Variants in FHIP1A observed in about 807,000 individuals in gnomAD.
FHIP1A encodes FHF complex subunit HOOK interacting protein 1A.
FHIP1A carries 61 observed loss-of-function variants against 88.6 expected under a neutral mutation model. The ratio of observed to expected loss-of-function variants is 0.69; its 90% CI spans 0.56 to 0.85. The LOEUF (loss-of-function observed/expected upper bound fraction) is 0.85, where lower values mean the gene tolerates loss of function less well. Ranked by LOEUF, FHIP1A falls within the 40% of genes least tolerant of loss-of-function variation. FHIP1A has a pLI of 0.00. For synonymous variants in FHIP1A, 478 were observed against 496.0 expected (o/e 0.96, Z 0.48); for missense variants, 1,154 against 1,273.5 (o/e 0.91, Z 1.43).
chr4:151,476,966 C>T (rs1729730809), intron 2 of FHIP1A, among the ~76,000 whole-genome samples: 1 of 151,938 alleles, frequency 6.6e-6, no homozygotes, highest in African/African-American at 2.4e-5. Context: ...TTTAAAAATG[C>T]TCCTGATGTG....
Position 151,664,945 on chromosome 4 carries a change from G to GT in FHIP1A, c.*2198dup, listed in dbSNP as rs1737607722. On this transcript the variant is annotated 3_prime_UTR_variant, in exon 14 of 14. Transcript: ENST00000435205. Reference sequence around the variant, plus strand: ...AAAGATTGATTTTGTGCCTCTTACTGTTTTTTTCAATAGGTACTGAAATAA... The same window carrying GT: ...AAAGATTGATTTTGTGCCTCTTACTGTTTTTTTTCAATAGGTACTGAAATAA... 6.6e-6 allele frequency among the ~76,000 whole-genome samples: 1 copy of GT among 151,912 alleles called. No individual in the cohort carries two copies. The highest frequency in any genetic ancestry group is 2.4e-5 in the African/African-American group (1 of 41,430).
intron 3 of FHIP1A, among the ~76,000 whole-genome samples, chr4:151,505,279 T>C (rs1333660169): frequency 6.6e-6 from 1 of 152,196 alleles, no homozygotes; most frequent in Non-Finnish European, 1.5e-5. Flanking sequence ...CATTGCCTAC[T>C]TTCGTGATGA....
intron 7 of FHIP1A, among the ~76,000 whole-genome samples, chr4:151,591,766 C>T (rs963347638): frequency 1.3e-5 from 2 of 152,146 alleles, no homozygotes; most frequent in African/African-American, 2.4e-5. Flanking sequence ...CATGTCCCTG[C>T]AAAGGAATGA....
At chr4:151,468,063 T>C (rs1729385922) in intron 2 of FHIP1A, among the ~76,000 whole-genome samples, 1 of 150,164 alleles carries the variant, frequency 6.7e-6, no homozygotes, top group Non-Finnish European at 1.5e-5. Flanking sequence ...GGAGGGCGGA[T>C]CACGAGGTCA....
chr4:151,644,443 C>T (rs557290398), intron 9 of FHIP1A, among the ~76,000 whole-genome samples: 6 of 152,022 alleles, frequency 3.9e-5, no homozygotes, highest in Non-Finnish European at 7.4e-5. Flanking sequence ...CCTCTATGTC[C>T]TGGGCTCAAG....
intron 3 of FHIP1A, among the ~76,000 whole-genome samples, chr4:151,511,086 C>T (rs1427386870): frequency 6.6e-6 from 1 of 152,146 alleles, no homozygotes; most frequent in Non-Finnish European, 1.5e-5. Flanking sequence ...CCCTGAATTC[C>T]AGCCTGATAT....
intron 1 of FHIP1A, among the ~76,000 whole-genome samples, chr4:151,438,308 T>C (rs1728280535): frequency 6.6e-6 from 1 of 152,152 alleles, no homozygotes; most frequent in Non-Finnish European, 1.5e-5. Flanking sequence ...GTTTGCGTTC[T>C]CAGGAATACC....
At chr4:151,441,689 A>G (rs1728418968) in intron 1 of FHIP1A, among the ~76,000 whole-genome samples, 1 of 152,184 alleles carries the variant, frequency 6.6e-6, no homozygotes, top group Non-Finnish European at 1.5e-5. Context: ...TCCAGCCAGG[A>G]GATGTGTGAA....
intron 10 of FHIP1A, among the ~76,000 whole-genome samples, chr4:151,647,091 C>T (rs115614141): frequency 0.013 from 1,938 of 152,040 alleles, 40 homozygotes; most frequent in African/African-American, 0.044. Flanking sequence ...CAGAATCAGC[C>T]CTAATTTTAA....
chr4:151,629,582 G>T (rs773147553), intron 7 of FHIP1A, 120 bp from the exon 8 acceptor site: 45 of 768,116 alleles, frequency 5.9e-5, no homozygotes, highest in Non-Finnish European at 7.9e-5. Flanking sequence ...GTGTGTTTTC[G>T]TGGGCAGGCA....
At chr4:151,519,243 T>C (rs547536613) in intron 3 of FHIP1A, among the ~76,000 whole-genome samples, 4 of 152,274 alleles carry the variant, frequency 2.6e-5, no homozygotes, top group African/African-American at 9.6e-5. Flanking sequence ...AGTCAATCCC[T>C]ACCTCCCACC....
At chr4:151,603,983 T>G (rs1734973295) in intron 7 of FHIP1A, among the ~76,000 whole-genome samples, 1 of 152,168 alleles carries the variant, frequency 6.6e-6, no homozygotes, top group African/African-American at 2.4e-5. Context: ...ACATCATCCT[T>G]CCTCTGAAAC....
chr4:151,554,965 T>G (rs1344353361), intron 3 of FHIP1A, among the ~76,000 whole-genome samples: 1 of 152,158 alleles, frequency 6.6e-6, no homozygotes, highest in Non-Finnish European at 1.5e-5. Flanking sequence ...AAAAGATTCT[T>G]TCTCCAGAGA....
intron 2 of FHIP1A, among the ~76,000 whole-genome samples, chr4:151,462,284 G>T (rs1729168118): frequency 6.6e-6 from 1 of 152,128 alleles, no homozygotes. Flanking sequence ...GGTTCACATT[G>T]TTCCCTGACA....
chr4:151,536,823 C>G (rs562744082), intron 3 of FHIP1A, among the ~76,000 whole-genome samples: 1 of 152,152 alleles, frequency 6.6e-6, no homozygotes, highest in Admixed American at 6.6e-5. Flanking sequence ...GGATTAATGC[C>G]CAGCAGGTCA....
intron 7 of FHIP1A, among the ~76,000 whole-genome samples, chr4:151,607,875 CTG>C (rs1317232158): frequency 6.6e-6 from 1 of 152,114 alleles, no homozygotes; most frequent in East Asian, 1.9e-4. Context: ...TCACATGACA[CTG>C]TGTGTTACTA....
intron 1 of FHIP1A, among the ~76,000 whole-genome samples, chr4:151,444,369 A>G (rs1048104490): frequency 1.3e-5 from 2 of 152,212 alleles, no homozygotes; most frequent in African/African-American, 2.4e-5. Flanking sequence ...AGACATATAC[A>G]TATAAAAGAA....
intron 3 of FHIP1A, among the ~76,000 whole-genome samples, chr4:151,549,727 C>T (rs1376985015): frequency 6.6e-6 from 1 of 152,140 alleles, no homozygotes; most frequent in African/African-American, 2.4e-5. Context: ...TTACACTTTA[C>T]TCTATGGACT....
At chr4:151,528,881 C>T (rs1185123157) in intron 3 of FHIP1A, among the ~76,000 whole-genome samples, 1 of 152,144 alleles carries the variant, frequency 6.6e-6, no homozygotes, top group Non-Finnish European at 1.5e-5. Context: ...ATGAGAGCTT[C>T]TGGACTTTAT....
Sources: gnomAD v4.1 joint callset for allele counts (sites outside exome capture counted in the v4.1 genomes callset) on GRCh38, gnomAD v4.1.1 for gene constraint, MANE v1.5 for transcripts, NCBI Gene and HGNC (gene_info 2026-07-23, HGNC 2026-07-21) for gene names.